CDH13: variants seen among roughly 807,000 people sequenced by gnomAD.
CDH13 encodes cadherin 13.
Under a neutral mutation model 63.8 loss-of-function variants are expected in CDH13, and 24 were observed. That is an observed-to-expected ratio of 0.38 (90% CI 0.27 to 0.53). CDH13 has a LOEUF of 0.53. Ranked by LOEUF, CDH13 falls within the 20% of genes least tolerant of loss-of-function variation. CDH13 has a pLI of 0.85. For synonymous variants in CDH13, 503 were observed against 355.3 expected, an observed-to-expected ratio of 1.42 and a Z score of -4.67; for missense variants, 1,049 against 903.1, an observed-to-expected ratio of 1.16 and a Z score of -2.07.
At chr16:83,507,507 C>G (rs983011654) in intron 7 of CDH13, among the ~76,000 whole-genome samples, 1 of 152,118 alleles carries the variant, frequency 6.6e-6, no homozygotes, top group Non-Finnish European at 1.5e-5. Flanking sequence ...CCATTCTTAA[C>G]AGTACAATAA....
intron 7 of CDH13, among the ~76,000 whole-genome samples, chr16:83,502,178 A>T (rs952307191): frequency 6.6e-6 from 1 of 152,190 alleles, no homozygotes; most frequent in East Asian, 1.9e-4. Flanking sequence ...GGCAAATGGG[A>T]CTTTGTAGAA....
At chr16:83,777,820 G>C (rs948916613) in intron 11 of CDH13, among the ~76,000 whole-genome samples, 1 of 152,154 alleles carries the variant, frequency 6.6e-6, no homozygotes, top group Admixed American at 6.5e-5. Context: ...CATAAATATA[G>C]TACAAGAGAA....
intron 2 of CDH13, among the ~76,000 whole-genome samples, chr16:83,031,470 A>T (rs934127497): frequency 1.3e-5 from 2 of 151,032 alleles, no homozygotes; most frequent in Non-Finnish European, 1.5e-5. Context: ...TGGTATATAC[A>T]TGTACATGTA....
chr16:83,121,895 C>T (rs1021078115), intron 3 of CDH13, among the ~76,000 whole-genome samples: 1 of 151,990 alleles, frequency 6.6e-6, no homozygotes, highest in South Asian at 2.1e-4. Flanking sequence ...TTTATAGATG[C>T]TTTCAGAGCC....
intron 1 of CDH13, among the ~76,000 whole-genome samples, chr16:82,830,798 G>C (rs2038503745): frequency 1.3e-5 from 2 of 152,174 alleles, no homozygotes; most frequent in African/African-American, 4.8e-5. Context: ...ATATTACCAT[G>C]ACCGTGAAAA....
At chr16:83,071,459 C>T (rs1194029981) in intron 3 of CDH13, among the ~76,000 whole-genome samples, 2 of 152,174 alleles carry the variant, frequency 1.3e-5, no homozygotes, top group Non-Finnish European at 1.5e-5. Flanking sequence ...GAGAGCTCCT[C>T]CAAGCCTTGG....
At chr16:83,729,497 A>G (rs16961485) in intron 10 of CDH13, among the ~76,000 whole-genome samples, 2,015 of 152,314 alleles carry the variant, frequency 0.013, 71 homozygotes, top group Admixed American at 0.068. Flanking sequence ...CACTAGCCAG[A>G]TACCACTACT....
intron 3 of CDH13, among the ~76,000 whole-genome samples, chr16:83,098,196 T>C (rs1236529710): frequency 6.6e-6 from 1 of 152,240 alleles, no homozygotes; most frequent in Non-Finnish European, 1.5e-5. Context: ...ATTTGTAGTA[T>C]ACATCTTTAA....
At chr16:83,074,529 G>C (rs1240971631) in intron 3 of CDH13, among the ~76,000 whole-genome samples, 4 of 152,152 alleles carry the variant, frequency 2.6e-5, no homozygotes, top group South Asian at 2.1e-4. Flanking sequence ...GGGATTGCTG[G>C]ATCATACGGT....
intron 3 of CDH13, among the ~76,000 whole-genome samples, chr16:83,069,947 A>C (rs1340842605): frequency 6.6e-6 from 1 of 152,236 alleles, no homozygotes; most frequent in Non-Finnish European, 1.5e-5. Flanking sequence ...TGGATACCAG[A>C]AAAAGAAATA....
At chr16:83,468,369 A>T (rs1179719988) in intron 6 of CDH13, among the ~76,000 whole-genome samples, 1 of 152,204 alleles carries the variant, frequency 6.6e-6, no homozygotes, top group Non-Finnish European at 1.5e-5. Flanking sequence ...CCAAAGCTGC[A>T]TATGGTAAGG....
chr16:82,720,850 C>T (rs1488991479), intron 1 of CDH13, among the ~76,000 whole-genome samples: 1 of 152,206 alleles, frequency 6.6e-6, no homozygotes, highest in Non-Finnish European at 1.5e-5. Context: ...CCTCGCCTGG[C>T]TCATTCGCCA....
intron 1 of CDH13, among the ~76,000 whole-genome samples, chr16:82,769,736 C>T (rs898974943): frequency 2.0e-5 from 3 of 152,136 alleles, no homozygotes; most frequent in Non-Finnish European, 4.4e-5. Flanking sequence ...ATGTGCCCAC[C>T]AGGTGGTGAA....
chr16:82,894,255 C>T (rs1248281116), intron 2 of CDH13, among the ~76,000 whole-genome samples: 1 of 152,134 alleles, frequency 6.6e-6, no homozygotes, highest in African/African-American at 2.4e-5. Context: ...CTGCCCAGCT[C>T]CAGGGCAGGA....
chr16:82,798,390 TC>T (rs2036691361), intron 1 of CDH13, among the ~76,000 whole-genome samples: 2 of 152,220 alleles, frequency 1.3e-5, no homozygotes, highest in Non-Finnish European at 2.9e-5. Context: ...CTTTCTTTTT[TC>T]CCCTAGACTG....
At chr16:83,442,227 C>G (rs1244387214) in intron 6 of CDH13, among the ~76,000 whole-genome samples, 1 of 152,190 alleles carries the variant, frequency 6.6e-6, no homozygotes, top group Non-Finnish European at 1.5e-5. Context: ...CCTCAGTTAC[C>G]TCATCCGTAA....
chr16:83,016,164 C>T (rs1300391085), intron 2 of CDH13, among the ~76,000 whole-genome samples: 1 of 152,124 alleles, frequency 6.6e-6, no homozygotes. Flanking sequence ...GATGAATAGG[C>T]ATGGCCTACA....
intron 2 of CDH13, among the ~76,000 whole-genome samples, chr16:82,998,861 C>CTTTTT: frequency 8.4e-6 from 1 of 118,374 alleles, no homozygotes; most frequent in Non-Finnish European, 1.7e-5. Context: ...TCCCCTTGAT[C>CTTTTT]CTTTTTTTTT....
At chr16:83,131,025 A>G (rs1472583270) in intron 4 of CDH13, among the ~76,000 whole-genome samples, 2 of 152,186 alleles carry the variant, frequency 1.3e-5, no homozygotes, top group African/African-American at 4.8e-5. Flanking sequence ...TACATAATTT[A>G]TCTGTCTGCC....
Sources: gnomAD v4.1 joint callset for allele counts (sites outside exome capture counted in the v4.1 genomes callset) on GRCh38, gnomAD v4.1.1 for gene constraint, MANE v1.5 for transcripts, NCBI Gene and HGNC (gene_info 2026-07-23, HGNC 2026-07-21) for gene names.